Variants in NCAM2 observed in about 807,000 individuals in gnomAD.
The protein encoded by NCAM2 is neural cell adhesion molecule 2.
NCAM2 carries 30 observed loss-of-function variants against 98.1 expected under a neutral mutation model. The ratio of observed to expected loss-of-function variants is 0.31; its 90% CI spans 0.23 to 0.41. The LOEUF is 0.41. NCAM2 is among the 10% of genes least tolerant of loss of function. NCAM2 has a pLI of 1.00. For missense variants in NCAM2, 867 were observed against 1,005.8 expected (o/e 0.86, Z 1.87); for synonymous variants, 368 against 342.4 (o/e 1.07, Z -0.83).
intron 9 of NCAM2, among the ~76,000 whole-genome samples, chr21:21,398,933 G>T (rs1295339208): frequency 6.6e-6 from 1 of 152,162 alleles, no homozygotes; most frequent in African/African-American, 2.4e-5. Context: ...TATTCTGAGA[G>T]CCAGCAAACC....
chr21:21,411,151 T>TATATATGTGTATATATATATAC (rs2076877622), intron 10 of NCAM2, among the ~76,000 whole-genome samples: 1 of 22,390 alleles, frequency 4.5e-5, no homozygotes, highest in African/African-American at 1.9e-4. Context: ...TATATATACA[T>TATATATGTGTATATATATATAC]ATATATATGG....
intron 8 of NCAM2, among the ~76,000 whole-genome samples, chr21:21,372,429 A>T (rs112750932): frequency 6.6e-6 from 1 of 151,770 alleles, no homozygotes; most frequent in Non-Finnish European, 1.5e-5. Context: ...TAATTCAGTG[A>T]TAGAACCTGG....
chr21:21,129,221 T>C (rs963836993), intron 1 of NCAM2, among the ~76,000 whole-genome samples: 3 of 152,148 alleles, frequency 2.0e-5, no homozygotes, highest in African/African-American at 7.2e-5. Context: ...CAGACTTACC[T>C]TTATCAAACA....
intron 1 of NCAM2, among the ~76,000 whole-genome samples, chr21:21,076,116 C>CA (rs565676221): frequency 0.076 from 9,218 of 121,346 alleles, 339 homozygotes; most frequent in South Asian, 0.1. Context: ...GACCCCATCT[C>CA]AAAAAAAAAA....
At chr21:21,184,818 T>C (rs112175540) in intron 1 of NCAM2, among the ~76,000 whole-genome samples, 2,542 of 152,238 alleles carry the variant, frequency 0.017, 84 homozygotes, top group African/African-American at 0.059. Context: ...AGGCTATTTC[T>C]AGGAAGAGAA....
intron 15 of NCAM2, among the ~76,000 whole-genome samples, chr21:21,492,724 T>TA (rs1986935642): frequency 6.6e-6 from 1 of 151,890 alleles, no homozygotes; most frequent in Non-Finnish European, 1.5e-5. Flanking sequence ...TTTCAACACT[T>TA]ACAATTTGCA....
At chr21:21,395,751 G>A (rs539387523) in intron 9 of NCAM2, among the ~76,000 whole-genome samples, 15 of 152,094 alleles carry the variant, frequency 9.9e-5, no homozygotes, top group African/African-American at 2.9e-4. Context: ...AAACAAAAAC[G>A]TAAAGTGGGG....
At chr21:21,353,432 T>G (rs1352053455) in intron 8 of NCAM2, among the ~76,000 whole-genome samples, 3 of 152,158 alleles carry the variant, frequency 2.0e-5, no homozygotes, top group Non-Finnish European at 4.4e-5. Context: ...TCTTATTCCT[T>G]TTGGAAGTTG....
rs767146156 is a variant in NCAM2, at chr21:20,998,578, C to G, written c.15C>G (p.Leu5=). The change falls in exon 1 of 18, where the codon CTC becomes CTG. Residue 5 remains leucine (L), a synonymous_variant. Transcript: ENST00000400546. MSLL[L]SFYLLGLLVS... ...ACGTCCTGAACATGAGCCTCCTCCT[C>G]TCCTTCTACCTGCTGGGGTTGCTTG... The G allele has an allele frequency of 1.2e-6, 2 of 1,614,100 alleles. No homozygotes were observed. The highest frequency in any genetic ancestry group is 2.2e-5 in the East Asian group (1 of 44,830).
intron 15 of NCAM2, among the ~76,000 whole-genome samples, chr21:21,503,328 CCATTA>C (rs1987757173): frequency 6.6e-6 from 1 of 151,730 alleles, no homozygotes; most frequent in Non-Finnish European, 1.5e-5. Flanking sequence ...TGTATAAGGG[CCATTA>C]TTAAGTAAAA....
intron 11 of NCAM2, among the ~76,000 whole-genome samples, chr21:21,425,635 T>C (rs1413070468): frequency 6.8e-6 from 1 of 148,070 alleles, no homozygotes; most frequent in East Asian, 2.1e-4. Flanking sequence ...AATTCATGGA[T>C]GTATAAGAAC....
chr21:21,061,176 C>T (rs896701109), intron 1 of NCAM2, among the ~76,000 whole-genome samples: 1 of 152,158 alleles, frequency 6.6e-6, no homozygotes, highest in Non-Finnish European at 1.5e-5. Context: ...CATCAATCCA[C>T]ATCATCTGCA....
chr21:21,006,510 A>G (rs1433955211), intron 1 of NCAM2, among the ~76,000 whole-genome samples: 1 of 152,198 alleles, frequency 6.6e-6, no homozygotes, highest in Non-Finnish European at 1.5e-5. Context: ...CCCCATCTCA[A>G]AAAAGAAAAT....
intron 1 of NCAM2, among the ~76,000 whole-genome samples, chr21:21,182,076 G>T (rs79868018): frequency 6.7e-6 from 1 of 150,260 alleles, no homozygotes; most frequent in African/African-American, 2.4e-5. Context: ...ACTGTATCCC[G>T]AGCACCTGGA....
chr21:21,128,442 T>A (rs938633904), intron 1 of NCAM2, among the ~76,000 whole-genome samples: 26 of 152,302 alleles, frequency 1.7e-4, no homozygotes, highest in African/African-American at 6.0e-4. Flanking sequence ...ACTGATGTAG[T>A]GAACTCTGCA....
At chr21:21,238,323 T>G (rs2826747) in intron 1 of NCAM2, among the ~76,000 whole-genome samples, 64,567 of 151,938 alleles carry the variant, frequency 0.42, 13,832 homozygotes, top group East Asian at 0.6. Context: ...AAAAGCTAAT[T>G]TGATTTATTT....
At chr21:21,068,180 A>G (rs1411012681) in intron 1 of NCAM2, among the ~76,000 whole-genome samples, 2 of 124,570 alleles carry the variant, frequency 1.6e-5, no homozygotes, top group Admixed American at 2.1e-4. Context: ...TCTGTCGCCT[A>G]GGCTGGAGTA....
At chr21:21,452,891 A>C (rs1225999591) in intron 12 of NCAM2, among the ~76,000 whole-genome samples, 1 of 101,918 alleles carries the variant, frequency 9.8e-6, no homozygotes, top group Non-Finnish European at 1.7e-5. Flanking sequence ...ATTATATATT[A>C]TATAATATAT....
chr21:21,133,423 C>T (rs1388036220), intron 1 of NCAM2, among the ~76,000 whole-genome samples: 2 of 152,154 alleles, frequency 1.3e-5, no homozygotes, highest in Non-Finnish European at 2.9e-5. Context: ...GCTTCTGCCA[C>T]AAACTGACAC....
Sources: allele counts gnomAD v4.1 joint callset (sites outside exome capture counted in the v4.1 genomes callset), GRCh38; gene constraint gnomAD v4.1.1; transcripts MANE v1.5; gene names NCBI Gene and HGNC (gene_info 2026-07-23, HGNC 2026-07-21).